STEAP2: variants seen among roughly 807,000 people sequenced by gnomAD.
STEAP2 encodes the protein metalloreductase STEAP2.
A neutral mutation model predicts 46.4 loss-of-function variants in STEAP2; 30 were observed. The observed-to-expected ratio is 0.65, with a 90% CI of 0.48 to 0.88. The LOEUF is 0.88. Ranked by LOEUF, STEAP2 falls within the 40% of genes least tolerant of loss-of-function variation. STEAP2 has a pLI of 0.00. For synonymous variants in STEAP2, 180 were observed against 200.5 expected (o/e 0.90, Z 0.86); for missense variants, 513 against 579.3 (o/e 0.89, Z 1.18).
downstream of STEAP2, among the ~76,000 whole-genome samples, chr7:90,238,986 G>A (rs1331278080): frequency 2.0e-5 from 3 of 151,934 alleles, no homozygotes; most frequent in South Asian, 4.2e-4. Flanking sequence ...TCCTGTAGGC[G>A]AGAATACCAT....
chr7:90,230,057 T>G, intron 5 of STEAP2, 21 bp downstream of exon 5: 2 of 1,608,744 alleles, frequency 1.2e-6, no homozygotes, highest in Middle Eastern at 3.3e-4. Context: ...TTTTGTTTGG[T>G]GAAGGATTGT....
chr7:90,236,077 A>C lies in STEAP2; in HGVS notation c.*3453A>C, dbSNP rs1416872903. 14 of 705,910 alleles carry C rather than the reference A, an allele frequency of 2.0e-5. No individual in the cohort carries two copies. The highest frequency in any genetic ancestry group is 2.4e-5 in the Non-Finnish European group (14 of 575,700). The allele number at this position is 705,910 out of a possible 1,614,324, so 43.7% of individuals were successfully genotyped here. On this transcript the variant is annotated 3_prime_UTR_variant, in exon 6 of 6. Transcript: ENST00000394621. ...GAAATTACTTGTGTAAAAGGGCTTC[A>C]AGAATATATCCAATTTTTAAATATT...
Position 90,226,956 on chromosome 7 carries a change from T to C in STEAP2, c.493-15T>C. 2 of 1,547,780 alleles carry C rather than the reference T, an allele frequency of 1.3e-6. No homozygotes were observed. Among genetic ancestry groups the C allele is most frequent in the Non-Finnish European group, 1.7e-6 (2 of 1,151,920 alleles). Reference sequence around the variant, plus strand: ...ACAACAATGGTAATGCTGAGTCTTTTTGTTTTTTCCACAGGTTTATATATG... The same window carrying C: ...ACAACAATGGTAATGCTGAGTCTTTCTGTTTTTTCCACAGGTTTATATATG... On this transcript the variant is annotated splice_polypyrimidine_tract_variant and intron_variant, in intron 3 of 5. Transcript: ENST00000394621.
At position 90,234,957 on chromosome 7, in the gene STEAP2, A is replaced by G. The variant is rs1795911142; in HGVS notation, c.*2333A>G. The G allele has an allele frequency of 2.0e-6, 2 of 981,722 alleles. No homozygotes were observed. The highest frequency in any genetic ancestry group is 1.2e-4 in the Admixed American group (2 of 16,250). 60.8% of individuals were successfully genotyped at this position (981,722 alleles called of 1,614,324 possible). A position where few individuals can be genotyped will look rare whatever the true frequency, so the allele number is the denominator to read the frequency against. ...GTTCTTGGTAGGAATTCAGTTGGGC[A>G]ATGATAACTTTTATGGGCAAAAACA... On this transcript the variant is annotated 3_prime_UTR_variant, in exon 6 of 6. Coordinates refer to ENST00000394621, the MANE Select transcript of STEAP2 (RefSeq NM_001244944.2).
Position 90,235,976 on chromosome 7 carries a change from T to C in STEAP2, c.*3352T>C. 5 of 980,172 alleles carry C rather than the reference T, an allele frequency of 5.1e-6. No homozygotes were observed. The highest frequency in any genetic ancestry group is 6.1e-6 in the Non-Finnish European group (5 of 825,136). The allele number at this position is 980,172 out of a possible 1,614,324, so 60.7% of individuals were successfully genotyped here. ...TAAAGCAGCATAACCTTGGCTTGAT[T>C]AAGGAATTCTACTTTCAAAAATTAA... On this transcript the variant is annotated 3_prime_UTR_variant, in exon 6 of 6. Transcript: ENST00000394621.
intron 5 of STEAP2, among the ~76,000 whole-genome samples, chr7:90,231,169 T>C (rs1308689421): frequency 6.6e-6 from 1 of 151,908 alleles, no homozygotes; most frequent in Non-Finnish European, 1.5e-5. Flanking sequence ...TTTAGCGAAC[T>C]AAAGAATGAT....
intron 3 of STEAP2, 27 bp downstream of exon 3, chr7:90,225,601 T>A: frequency 6.5e-7 from 1 of 1,535,020 alleles, no homozygotes; most frequent in Non-Finnish European, 8.7e-7. Flanking sequence ...TTTATTCTTA[T>A]GTATCTGGTA....
chr7:90,223,989 G>T (rs1347400722), intron 2 of STEAP2, among the ~76,000 whole-genome samples: 1 of 152,106 alleles, frequency 6.6e-6, no homozygotes, highest in Non-Finnish European at 1.5e-5. Context: ...TTAAAAAATG[G>T]TTTTTCTTTC....
chr7:90,242,051 C>CT (rs1388997340), downstream of STEAP2, among the ~76,000 whole-genome samples: 1 of 151,954 alleles, frequency 6.6e-6, no homozygotes, highest in Non-Finnish European at 1.5e-5. Flanking sequence ...TCCTTCTCAC[C>CT]TGTCCATGAG....
downstream of STEAP2, among the ~76,000 whole-genome samples, chr7:90,242,458 T>G (rs1226246907): frequency 2.6e-5 from 4 of 152,114 alleles, no homozygotes. Flanking sequence ...CTACTTTAAG[T>G]GGAAATTTTT....
At chr7:90,240,048 G>A (rs1183505965), downstream of STEAP2, among the ~76,000 whole-genome samples, 1 of 152,190 alleles carries the variant, frequency 6.6e-6, no homozygotes, top group Non-Finnish European at 1.5e-5. The surrounding 1 kb of genome is among the most constrained non-coding windows in gnomAD (Gnocchi z 4.1). Context: ...AAAGTGGGCA[G>A]ATCGTTTGAA....
intron 4 of STEAP2, 61 bp downstream of exon 4, chr7:90,227,559 G>A (rs1795556028): frequency 2.9e-6 from 4 of 1,393,622 alleles, no homozygotes; most frequent in Non-Finnish European, 3.8e-6. Flanking sequence ...AGTATAAATT[G>A]TAAAACATAA....
In STEAP2 at chr7:90,235,616, CA is replaced by C. The variant is rs34433390; in HGVS notation, c.*3003del. 55,914 of 863,608 alleles carry C rather than the reference CA, an allele frequency of 0.065. 4,127 individuals are homozygous for C. In the East Asian group the frequency reaches 0.65, roughly 10 times the overall value. The allele number at this position is 863,608 out of a possible 1,614,324, so 53.5% of individuals were successfully genotyped here. On this transcript the variant is annotated 3_prime_UTR_variant, in exon 6 of 6. Coordinates refer to ENST00000394621, the MANE Select transcript of STEAP2 (RefSeq NM_001244944.2). ...AAAGATACTCAGTCTTAATCCTATG[CA>C]AAAAAAAAAATCAAGTAATTGTTTT...
chr7:90,236,345 TACGTA>T lies in STEAP2; in HGVS notation c.*3723_*3727del. On this transcript the variant is annotated 3_prime_UTR_variant, in exon 6 of 6. Transcript: ENST00000394621. ...AGTCTATGAAATCCCTGTTTTGAAA[TACGTA>T]AACAGCCTAAAATGTGTTGAAATTA... 1.0e-6 allele frequency: 1 copy of T among 983,394 alleles called. No individual in the cohort carries two copies. The highest frequency in any genetic ancestry group is 1.2e-6 in the Non-Finnish European group (1 of 828,102). 60.9% of individuals were successfully genotyped at this position (983,394 alleles called of 1,614,324 possible).
At chr7:90,231,433 A>G (rs1489859713) in intron 5 of STEAP2, among the ~76,000 whole-genome samples, 1 of 151,890 alleles carries the variant, frequency 6.6e-6, no homozygotes, top group African/African-American at 2.4e-5. Flanking sequence ...GTTACCTAAC[A>G]GTAGGGAACG....
At chr7:90,226,838 A>T in intron 3 of STEAP2, 133 bp from the exon 4 acceptor site, 1 of 851,154 alleles carries the variant, frequency 1.2e-6, no homozygotes, top group Non-Finnish European at 1.8e-6. Flanking sequence ...TAGATACTAT[A>T]ATATAGCTGA....
chr7:90,235,646 A>G lies in STEAP2; in HGVS notation c.*3022A>G, dbSNP rs550941930. The G allele has an allele frequency of 4.8e-5, 46 of 964,842 alleles. No homozygotes were observed. The South Asian group carries it at 1.6e-3, about 34-fold the overall frequency. 59.8% of individuals were successfully genotyped at this position (964,842 alleles called of 1,614,324 possible). A position where few individuals can be genotyped will look rare whatever the true frequency, so the allele number is the denominator to read the frequency against. Reference sequence around the variant, plus strand: ...AAAAAAATCAAGTAATTGTTTTCCTATGAGGAAAATAACCATGAGCTGTAT... The same window carrying G: ...AAAAAAATCAAGTAATTGTTTTCCTGTGAGGAAAATAACCATGAGCTGTAT... On this transcript the variant is annotated 3_prime_UTR_variant, in exon 6 of 6. Transcript: ENST00000394621.
At chr7:90,223,148 C>T (rs1795327669) in intron 2 of STEAP2, among the ~76,000 whole-genome samples, 1 of 152,220 alleles carries the variant, frequency 6.6e-6, no homozygotes, top group Non-Finnish European at 1.5e-5. Context: ...TGTCATGTTG[C>T]GGTCCAAAGG....
chr7:90,242,432 G>A (rs928996185), downstream of STEAP2, among the ~76,000 whole-genome samples: 2 of 152,176 alleles, frequency 1.3e-5, no homozygotes, highest in African/African-American at 2.4e-5. Flanking sequence ...GTCAGTTGAT[G>A]TCTCCTAGGC....
Sources: gnomAD v4.1 joint callset for allele counts (sites outside exome capture counted in the v4.1 genomes callset) on GRCh38, gnomAD v4.1.1 for gene constraint, Gnocchi (gnomAD v3.1) non-coding constraint, MANE v1.5 for transcripts, NCBI Gene and HGNC (gene_info 2026-07-23, HGNC 2026-07-21) for gene names.